POLR3G: variants seen among roughly 807,000 people sequenced by gnomAD.
POLR3G encodes the protein RNA polymerase III subunit G, also known as DNA-directed RNA polymerase III subunit RPC7.
A neutral mutation model predicts 30.1 loss-of-function variants in POLR3G; 28 were observed. The observed-to-expected ratio is 0.93, with a 90% CI of 0.69 to 1.27. The LOEUF is 1.27. Ranked by LOEUF, POLR3G falls within the 50% of genes most tolerant of loss-of-function variation. POLR3G has a pLI of 0.00. For synonymous variants in POLR3G, 79 were observed against 82.5 expected, an observed-to-expected ratio of 0.96 and a Z score of 0.23; for missense variants, 254 against 264.6, an observed-to-expected ratio of 0.96 and a Z score of 0.28.
chr5:90,474,623 G>C (rs1175103960), upstream of POLR3G: 2 of 343,016 alleles, frequency 5.8e-6, no homozygotes, highest in African/African-American at 2.2e-5. Flanking sequence ...GCAGAATGGA[G>C]ACTCAGGTGG....
intron 5 of POLR3G, 56 bp downstream of exon 5, chr5:90,497,762 T>C: frequency 6.5e-7 from 1 of 1,548,484 alleles, no homozygotes; most frequent in Non-Finnish European, 8.7e-7. Context: ...TCTTACATTC[T>C]GTTAATATGG....
At chr5:90,485,356 A>G (rs1751384203) in intron 1 of POLR3G, among the ~76,000 whole-genome samples, 169 bp from the exon 2 acceptor site, 1 of 152,176 alleles carries the variant, frequency 6.6e-6, no homozygotes, top group Admixed American at 6.5e-5. Context: ...GAGGTGTGTG[A>G]GTGTGAGCAG....
At chr5:90,474,389 G>A (rs1156974835), upstream of POLR3G, 1 of 1,158,396 alleles carries the variant, frequency 8.6e-7, no homozygotes, top group Non-Finnish European at 1.3e-6. Flanking sequence ...GAAGCGGTCT[G>A]CCTGCAGCCA....
intron 1 of POLR3G, among the ~76,000 whole-genome samples, chr5:90,478,018 C>G (rs1252414712): frequency 6.6e-6 from 1 of 152,178 alleles, no homozygotes; most frequent in Non-Finnish European, 1.5e-5. Flanking sequence ...TGTGAATTGG[C>G]CTTTTGTTCC....
chr5:90,509,212 T>G (rs1293646724), intron 7 of POLR3G, among the ~76,000 whole-genome samples: 1 of 152,216 alleles, frequency 6.6e-6, no homozygotes, highest in South Asian at 2.1e-4. Flanking sequence ...CTGGTACATT[T>G]TTATGGTCTC....
intron 2 of POLR3G, among the ~76,000 whole-genome samples, 180 bp from the exon 3 acceptor site, chr5:90,487,820 T>C (rs1751523170): frequency 6.6e-6 from 1 of 152,150 alleles, no homozygotes; most frequent in Non-Finnish European, 1.5e-5. Flanking sequence ...AAGAGCAAAG[T>C]AGGAAATGGG....
intron 3 of POLR3G, among the ~76,000 whole-genome samples, chr5:90,491,825 T>A (rs530945507): frequency 6.6e-6 from 1 of 152,094 alleles, no homozygotes; most frequent in Non-Finnish European, 1.5e-5. Flanking sequence ...AGAATAAATT[T>A]AAAAAATGGG....
intron 6 of POLR3G, chr5:90,502,512 T>C (rs1752294513): frequency 2.1e-6 from 1 of 477,786 alleles, no homozygotes; most frequent in Admixed American, 6.4e-5. Context: ...CACTGAAAAT[T>C]TTAAAAATTT....
chr5:90,496,806 T>A (rs1234867082), intron 4 of POLR3G, among the ~76,000 whole-genome samples: 3 of 152,204 alleles, frequency 2.0e-5, no homozygotes, highest in African/African-American at 7.2e-5. Flanking sequence ...CTTTTCAGTG[T>A]TGGTAAGGTT....
In POLR3G at chr5:90,478,003, C is replaced by T. The variant is rs1008875084; in HGVS notation, c.-44+2983C>T. On this transcript the variant is annotated intron_variant, in intron 1 of 7. Coordinates refer to ENST00000651687, the MANE Select transcript of POLR3G (RefSeq NM_006467.3). Reference sequence around the variant, plus strand: ...TGGAGAGGATATTTCCTGTCATAGCCGTAATGTGAATTGGCCTTTTGTTCC... The same window carrying T: ...TGGAGAGGATATTTCCTGTCATAGCTGTAATGTGAATTGGCCTTTTGTTCC... Among the ~76,000 whole-genome samples, 7 of 152,242 alleles carry T rather than the reference C, an allele frequency of 4.6e-5. No individual in the cohort carries two copies. In the South Asian group the frequency reaches 1.0e-3, roughly 23 times the overall value.
At chr5:90,484,283 C>CACTCTT (rs1165325178) in intron 1 of POLR3G, among the ~76,000 whole-genome samples, 33 of 152,194 alleles carry the variant, frequency 2.2e-4, no homozygotes, top group Non-Finnish European at 4.7e-4. Context: ...CTGAGTGATG[C>CACTCTT]TGCTGCAGAC....
At chr5:90,483,428 G>A (rs1751250015) in intron 1 of POLR3G, among the ~76,000 whole-genome samples, 1 of 152,140 alleles carries the variant, frequency 6.6e-6, no homozygotes, top group Non-Finnish European at 1.5e-5. Context: ...AGGAAACGAT[G>A]TTTCATTACA....
At chr5:90,497,286 C>T (rs1386680264) in intron 4 of POLR3G, among the ~76,000 whole-genome samples, 1 of 151,586 alleles carries the variant, frequency 6.6e-6, no homozygotes, top group Non-Finnish European at 1.5e-5. Flanking sequence ...AGAAATATAT[C>T]AACTACAGAA....
At chr5:90,484,982 T>G (rs1271025178) in intron 1 of POLR3G, among the ~76,000 whole-genome samples, 2 of 152,202 alleles carry the variant, frequency 1.3e-5, no homozygotes, top group Non-Finnish European at 2.9e-5. Flanking sequence ...TATCATAACT[T>G]TAATGATTTT....
chr5:90,492,229 T>G (rs896276358), intron 3 of POLR3G, among the ~76,000 whole-genome samples: 2 of 152,150 alleles, frequency 1.3e-5, no homozygotes, highest in Non-Finnish European at 2.9e-5. Flanking sequence ...AATCAATGAG[T>G]AAACACTGTA....
At chr5:90,483,143 C>CA (rs35917267) in intron 1 of POLR3G, among the ~76,000 whole-genome samples, 2,679 of 101,590 alleles carry the variant, frequency 0.026, 90 homozygotes, top group Non-Finnish European at 0.028. Flanking sequence ...TCCTCCGTCT[C>CA]AAAAAAAAAA....
At chr5:90,497,790 T>C in intron 5 of POLR3G, 84 bp downstream of exon 5, 1 of 1,466,196 alleles carries the variant, frequency 6.8e-7, no homozygotes, top group Non-Finnish European at 9.2e-7. Flanking sequence ...AACCCAAAGT[T>C]ATACTCACTG....
At chr5:90,483,204 A>G (rs1183721122) in intron 1 of POLR3G, among the ~76,000 whole-genome samples, 1 of 151,522 alleles carries the variant, frequency 6.6e-6, no homozygotes, top group African/African-American at 2.4e-5. Context: ...GATTTAAGGA[A>G]TAATAAAACT....
At chr5:90,473,980 C>T (rs1447452967), upstream of POLR3G, 1 of 1,598,650 alleles carries the variant, frequency 6.3e-7, no homozygotes, top group African/African-American at 1.3e-5. Flanking sequence ...AGCGCCTCGG[C>T]CTCGGCGTGG....
Sources: allele counts gnomAD v4.1 joint callset (sites outside exome capture counted in the v4.1 genomes callset), GRCh38; gene constraint gnomAD v4.1.1; transcripts MANE v1.5; gene names NCBI Gene and HGNC (gene_info 2026-07-23, HGNC 2026-07-21).